Variants in ZFP64 observed in about 807,000 individuals in gnomAD.
The protein encoded by ZFP64 is zinc finger protein 64.
A neutral mutation model predicts 51.6 loss-of-function variants in ZFP64; 14 were observed. The observed-to-expected ratio is 0.27, with a 90% CI of 0.18 to 0.42. ZFP64 has a LOEUF of 0.42. Among genes scored for constraint, ZFP64 ranks in the 10% least tolerant of loss-of-function variants. The pLI, the probability that ZFP64 is intolerant of heterozygous loss-of-function variation, is 1.00. For missense variants in ZFP64, 754 were observed against 906.8 expected (o/e 0.83, Z 2.16); for synonymous variants, 375 against 361.4 (o/e 1.04, Z -0.43).
In ZFP64 at chr20:52,151,827, A is replaced by C. The variant is rs542314101; in HGVS notation, c.*319T>G. 2,507 of 1,053,544 alleles carry C rather than the reference A, an allele frequency of 2.4e-3. 3 individuals are homozygous for C. Among genetic ancestry groups the C allele is most frequent in the Non-Finnish European group, 2.7e-3 (2,335 of 853,200 alleles). The allele number at this position is 1,053,544 out of a possible 1,614,324, so 65.3% of individuals were successfully genotyped here. ...AGCACTTTGGGAGGCTGAGGTGGGC[A>C]GATCACTTGAGGTCAGGAGTTCAAC... On this transcript the variant is annotated 3_prime_UTR_variant, in exon 6 of 6. Transcript: ENST00000216923.
chr20:52,120,648 T>C (rs1243525514), intron 5 of ZFP64, among the ~76,000 whole-genome samples: 2 of 145,888 alleles, frequency 1.4e-5, no homozygotes, highest in Non-Finnish European at 2.9e-5. Flanking sequence ...TTATTATATC[T>C]GTTAATGTGA....
intron 2 of ZFP64, among the ~76,000 whole-genome samples, chr20:52,173,339 C>T (rs1431506089): frequency 6.6e-6 from 1 of 152,104 alleles, no homozygotes; most frequent in African/African-American, 2.4e-5. Context: ...GTAATCCCAG[C>T]AATTTGGGAG....
At chr20:52,117,722 A>T (rs1167865252) in intron 5 of ZFP64, 7 of 454,284 alleles carry the variant, frequency 1.5e-5, no homozygotes, top group South Asian at 1.1e-4. Flanking sequence ...GCTGGGCCAT[A>T]GAATAGGTTT....
chr20:52,105,404 C>G, intron 5 of ZFP64: 1 of 1,228,234 alleles, frequency 8.1e-7, no homozygotes, highest in Non-Finnish European at 1.0e-6. Context: ...GCTGATTGGC[C>G]TGGAGCCAAG....
chr20:52,130,718 T>C (rs1330379785), intron 5 of ZFP64, among the ~76,000 whole-genome samples: 1 of 152,138 alleles, frequency 6.6e-6, no homozygotes, highest in African/African-American at 2.4e-5. Context: ...TAGCCCCTAG[T>C]TGTTTATCTT....
chr20:52,188,743 C>T (rs77544971), intron 1 of ZFP64, among the ~76,000 whole-genome samples: 20,093 of 151,586 alleles, frequency 0.13, 2,043 homozygotes, highest in African/African-American at 0.28. Context: ...AAAGACATAG[C>T]GGGTAGATCA....
intron 5 of ZFP64, among the ~76,000 whole-genome samples, chr20:52,111,441 C>G (rs1487776858): frequency 6.6e-6 from 1 of 151,840 alleles, no homozygotes; most frequent in African/African-American, 2.4e-5. Context: ...TCTTGAACTC[C>G]CAACCTCAGG....
chr20:52,167,851 T>C (rs377133141), intron 2 of ZFP64, among the ~76,000 whole-genome samples: 8 of 152,326 alleles, frequency 5.3e-5, no homozygotes, highest in African/African-American at 1.9e-4. Flanking sequence ...TTATTTTAGC[T>C]TTGTCCAAAG....
chr20:52,116,798 A>C lies in ZFP64; in HGVS notation c.764-18211T>G, dbSNP rs6091446. ...TACATTTTAACACGAGGCTGGGCGCACTGGCTCACGCCTGTAATCTCAGCA... is the reference window on the plus strand; with the variant it reads ...TACATTTTAACACGAGGCTGGGCGCCCTGGCTCACGCCTGTAATCTCAGCA... On this transcript the variant is annotated intron_variant, in intron 5 of 8. Transcript: ENST00000361387. Among the ~76,000 whole-genome samples the C allele has an allele frequency of 2.0e-3, 301 of 152,316 alleles. 1 individual carries two copies. Among genetic ancestry groups the C allele is most frequent in the African/African-American group, 6.9e-3 (286 of 41,592 alleles).
chr20:52,176,520 T>TTTTTTTTTTTTTTTTTTTGG (rs1983230167), intron 2 of ZFP64, among the ~76,000 whole-genome samples: 1 of 150,484 alleles, frequency 6.6e-6, no homozygotes. Context: ...TTTTTTTTTT[T>TTTTTTTTTTTTTTTTTTTGG]GAGACGGAGT....
intron 5 of ZFP64, among the ~76,000 whole-genome samples, chr20:52,099,394 C>G (rs1475588228): frequency 6.6e-6 from 1 of 151,820 alleles, no homozygotes; most frequent in African/African-American, 2.4e-5. Flanking sequence ...AGGTCACAGA[C>G]CACACATCAC....
chr20:52,125,054 T>C (rs1487475322), intron 5 of ZFP64, among the ~76,000 whole-genome samples: 3 of 152,218 alleles, frequency 2.0e-5, no homozygotes, highest in Admixed American at 6.5e-5. Context: ...GCATTGTTCA[T>C]GTGAAACCAT....
intron 7 of ZFP64, among the ~76,000 whole-genome samples, chr20:52,095,144 G>A (rs6021701): frequency 6.6e-6 from 1 of 152,112 alleles, no homozygotes; most frequent in Non-Finnish European, 1.5e-5. Context: ...AGAGACACAC[G>A]CTGACCTTTC....
At chr20:52,120,408 T>C (rs1201082619) in intron 5 of ZFP64, among the ~76,000 whole-genome samples, 2 of 152,142 alleles carry the variant, frequency 1.3e-5, no homozygotes, top group African/African-American at 2.4e-5. Context: ...GTCGTGGTAA[T>C]GACTATGAGG....
At chr20:52,089,665 G>C (rs1362957680) in intron 7 of ZFP64, among the ~76,000 whole-genome samples, 1 of 151,160 alleles carries the variant, frequency 6.6e-6, no homozygotes, top group African/African-American at 2.4e-5. Flanking sequence ...GATCACCTGA[G>C]CCCAGGAGGT....
chr20:52,102,924 C>T (rs542205347), intron 5 of ZFP64, among the ~76,000 whole-genome samples: 1 of 152,274 alleles, frequency 6.6e-6, no homozygotes, highest in Admixed American at 6.5e-5. Context: ...CTACCAGATT[C>T]TCAGGGGGAG....
chr20:52,104,915 G>A lies in ZFP64; in HGVS notation c.764-6328C>T, dbSNP rs1326487282. 6 of 662,168 alleles carry A rather than the reference G, an allele frequency of 9.1e-6. No homozygotes were observed. The East Asian group carries it at 1.1e-4, about 12-fold the overall frequency. The allele number at this position is 662,168 out of a possible 1,614,324, so 41.0% of individuals were successfully genotyped here. A position where few individuals can be genotyped will look rare whatever the true frequency, so the allele number is the denominator to read the frequency against. Reference sequence around the variant, plus strand: ...GACTAGCTCTTGAGAGGAGTGGCTAGAGGAATCCAGGCGGGGAAGGGGACG... The same window carrying A: ...GACTAGCTCTTGAGAGGAGTGGCTAAAGGAATCCAGGCGGGGAAGGGGACG... On this transcript the variant is annotated intron_variant, in intron 5 of 8. Coordinates refer to the ZFP64 transcript ENST00000361387.
intron 4 of ZFP64, among the ~76,000 whole-genome samples, chr20:52,163,191 T>C (rs572034105): frequency 6.6e-6 from 1 of 152,210 alleles, no homozygotes; most frequent in South Asian, 2.1e-4. Context: ...AGAAACCTCG[T>C]CTCTACTAAA....
chr20:52,105,316 C>A, intron 5 of ZFP64: 1 of 1,254,750 alleles, frequency 8.0e-7, no homozygotes, highest in Non-Finnish European at 1.0e-6. Context: ...CGGAAATTAC[C>A]CCCCTTCGGC....
Sources: allele counts gnomAD v4.1 joint callset (sites outside exome capture counted in the v4.1 genomes callset), GRCh38; gene constraint gnomAD v4.1.1; transcripts MANE v1.5; gene names NCBI Gene and HGNC (gene_info 2026-07-23, HGNC 2026-07-21).